PIWIL1: variants seen among roughly 807,000 people sequenced by gnomAD.
PIWIL1 encodes the protein piwi like RNA-mediated gene silencing 1, also known as piwi-like protein 1.
PIWIL1 carries 73 observed loss-of-function variants against 114.4 expected under a neutral mutation model. That is an observed-to-expected ratio of 0.64 (90% CI 0.53 to 0.78). The LOEUF (loss-of-function observed/expected upper bound fraction) is 0.78, where lower values mean the gene tolerates loss of function less well. Ranked by LOEUF, PIWIL1 falls within the 30% of genes least tolerant of loss-of-function variation. The pLI, the probability that PIWIL1 is intolerant of heterozygous loss-of-function variation, is 0.00. For synonymous variants in PIWIL1, 375 were observed against 369.0 expected (o/e 1.02, Z -0.19); for missense variants, 723 against 1,063.1 (o/e 0.68, Z 4.45).
At chr12:130,349,473 TGA>T in intron 8 of PIWIL1, 37 bp downstream of exon 8, 1 of 1,383,068 alleles carries the variant, frequency 7.2e-7, no homozygotes, top group Non-Finnish European at 1.0e-6. Flanking sequence ...TAATTTTTTG[TGA>T]GTCAAAGTAT....
rs138533912 is a variant in PIWIL1, at chr12:130,346,299, T to A, written c.317-71T>A. On this transcript the variant is annotated intron_variant, in intron 4 of 20. Coordinates refer to ENST00000245255, the MANE Select transcript of PIWIL1 (RefSeq NM_004764.5). ...TGTTTACGGAACTGTGCCTGCCTTG[T>A]CATGGTAGGAAAGATTTCAAGGAAA... 7.3e-4 allele frequency: 869 copies of A among 1,192,774 alleles called. 1 individual carries two copies. The highest frequency in any genetic ancestry group is 5.1e-3 in the Middle Eastern group (20 of 3,950). 73.9% of individuals were successfully genotyped at this position (1,192,774 alleles called of 1,614,324 possible).
the PIWIL1 span, among the ~76,000 whole-genome samples, chr12:130,391,657 C>G: frequency 6.6e-6 from 1 of 152,074 alleles, no homozygotes; most frequent in African/African-American, 2.4e-5. Flanking sequence ...GGCAAAGACC[C>G]CAGCAGAATG....
At chr12:130,382,010 T>C in the PIWIL1 span, among the ~76,000 whole-genome samples, 1 of 152,230 alleles carries the variant, frequency 6.6e-6, no homozygotes, top group Non-Finnish European at 1.5e-5. Context: ...TGTCTCATTG[T>C]TGAGTTGTAA....
intron 18 of PIWIL1, among the ~76,000 whole-genome samples, chr12:130,365,182 G>A (rs76909226): frequency 0.013 from 1,916 of 152,270 alleles, 39 homozygotes; most frequent in African/African-American, 0.044. Flanking sequence ...AACCTAAGTC[G>A]ACTGCTTGGG....
At chr12:130,359,202 CA>C (rs1409158382) in intron 14 of PIWIL1, among the ~76,000 whole-genome samples, 1 of 152,130 alleles carries the variant, frequency 6.6e-6, no homozygotes, top group Non-Finnish European at 1.5e-5. Context: ...CCTAATGTAG[CA>C]AAATAGAGCC....
chr12:130,377,086 G>C (rs566425150), downstream of PIWIL1, among the ~76,000 whole-genome samples: 2 of 152,238 alleles, frequency 1.3e-5, no homozygotes, highest in African/African-American at 2.4e-5. Flanking sequence ...CTCCTCCCCA[G>C]CTTCACTGGT....
Position 130,371,669 on chromosome 12 carries a change from T to TA in PIWIL1, c.*71_*72insA. ...GGATTTTTTTAAGCTTTTATTTACT[T>TA]TTTTTTTAACTGTTATCTTTCTGGA... On this transcript the variant is annotated 3_prime_UTR_variant, in exon 21 of 21. Coordinates refer to ENST00000245255, the MANE Select transcript of PIWIL1 (RefSeq NM_004764.5). 1.0e-6 allele frequency: 1 copy of TA among 972,730 alleles called. No individual in the cohort carries two copies. The highest frequency in any genetic ancestry group is 1.6e-6 in the Non-Finnish European group (1 of 633,346). The allele number at this position is 972,730 out of a possible 1,614,324, so 60.3% of individuals were successfully genotyped here. A position where few individuals can be genotyped will look rare whatever the true frequency, so the allele number is the denominator to read the frequency against.
chr12:130,415,959 C>CCA, the PIWIL1 span, among the ~76,000 whole-genome samples: 14,559 of 81,524 alleles, frequency 0.18, 770 homozygotes, highest in South Asian at 0.33. Flanking sequence ...TTGACAATAG[C>CCA]CACACACACA....
the PIWIL1 span, chr12:130,407,672 G>T: frequency 7.2e-7 from 1 of 1,386,744 alleles, no homozygotes; most frequent in Non-Finnish European, 1.0e-6. Flanking sequence ...TGTACCACGA[G>T]GGAAGGGAAG....
chr12:130,397,078 T>A, the PIWIL1 span: 1 of 233,574 alleles, frequency 4.3e-6, no homozygotes, highest in Non-Finnish European at 8.2e-6. Context: ...GGGAGGGAGC[T>A]ACAGGTGATA....
intron 3 of PIWIL1, among the ~76,000 whole-genome samples, chr12:130,344,155 C>T (rs909001662): frequency 4.6e-5 from 7 of 152,132 alleles, no homozygotes; most frequent in African/African-American, 1.7e-4. Flanking sequence ...CAGAAACTGG[C>T]AATTGGATTT....
chr12:130,380,761 C>T, the PIWIL1 span, among the ~76,000 whole-genome samples: 1 of 152,286 alleles, frequency 6.6e-6, no homozygotes, highest in East Asian at 1.9e-4. Flanking sequence ...AACACAGAAT[C>T]ATGTGTTGAG....
At chr12:130,355,376 G>A (rs892052523) in intron 11 of PIWIL1, among the ~76,000 whole-genome samples, 177 bp from the exon 12 acceptor site, 8 of 152,206 alleles carry the variant, frequency 5.3e-5, no homozygotes, top group Admixed American at 3.9e-4. Context: ...ATGAAGAGAA[G>A]CCTGAAGGTG....
At chr12:130,377,979 C>T in the PIWIL1 span, among the ~76,000 whole-genome samples, 1 of 152,324 alleles carries the variant, frequency 6.6e-6, no homozygotes, top group Admixed American at 6.5e-5. Flanking sequence ...CTCCCTGACC[C>T]AACTTACATG....
chr12:130,409,324 A>G, the PIWIL1 span, among the ~76,000 whole-genome samples: 61 of 149,890 alleles, frequency 4.1e-4, no homozygotes, highest in African/African-American at 1.3e-3. Flanking sequence ...GACTCATACA[A>G]AATGTAGCTT....
chr12:130,371,607 A>C lies in PIWIL1; in HGVS notation c.*9A>C. ...GCCTTTACTACCTCTAACCTGCAGA[A>C]GACGATGCAGCCGCTTTTCTTTTTG... is the stretch of plus-strand genomic sequence containing the variant. On this transcript the variant is annotated 3_prime_UTR_variant, in exon 21 of 21. Transcript: ENST00000245255. The C allele has an allele frequency of 6.7e-7, 1 of 1,487,078 alleles. No individual in the cohort carries two copies. Among genetic ancestry groups the C allele is most frequent in the Non-Finnish European group, 9.3e-7 (1 of 1,074,444 alleles). The allele number at this position is 1,487,078 out of a possible 1,614,324, so 92.1% of individuals were successfully genotyped here.
intron 9 of PIWIL1, among the ~76,000 whole-genome samples, chr12:130,353,901 G>A (rs2073289292): frequency 6.6e-6 from 1 of 151,600 alleles, no homozygotes. Context: ...ACTCCAGCCT[G>A]GGTGACAGAG....
chr12:130,363,018 A>G lies in PIWIL1; in HGVS notation c.2069A>G (p.Asn690Ser), dbSNP rs762423292. ...GCTCTGAGGGCTTGGAATAGCTGCA[A>G]TGAGTACATGCCCAGCCGGATCATC... ...QAALRAWNSC[N>S]EYMPSRIIVY... The change falls in exon 18 of 21, where the codon AAT (asparagine) becomes AGT (serine). Residue 690 changes from asparagine to serine, a missense_variant. Asn to Ser is a conservative substitution (Grantham distance 46). Around this residue, in one of 8 missense-constraint regions of PIWIL1, gnomAD observed 31 missense variants for 30.2 expected, o/e 1.03. Coordinates refer to ENST00000245255, the MANE Select transcript of PIWIL1 (RefSeq NM_004764.5). The G allele has an allele frequency of 3.7e-6, 6 of 1,614,110 alleles. No individual in the cohort carries two copies. The highest frequency in any genetic ancestry group is 5.1e-6 in the Non-Finnish European group (6 of 1,180,052).
At chr12:130,426,148 C>T in the PIWIL1 span, 1 of 152,336 alleles carries the variant, frequency 6.6e-6, no homozygotes, top group Non-Finnish European at 1.5e-5. Context: ...CTGCCGTGCC[C>T]ATCAGGGATC....
Sources: allele counts gnomAD v4.1 joint callset (sites outside exome capture counted in the v4.1 genomes callset), GRCh38; gene constraint gnomAD v4.1.1; regional missense constraint gnomAD v4.1.1; transcripts MANE v1.5; gene names NCBI Gene and HGNC (gene_info 2026-07-23, HGNC 2026-07-21).